The following RALGAPA2 variants were observed in gnomAD, a reference collection of about 807,000 sequenced individuals.
The protein encoded by RALGAPA2 is ral GTPase-activating protein subunit alpha-2.
Under a neutral mutation model 230.4 loss-of-function variants are expected in RALGAPA2, and 139 were observed. That is an observed-to-expected ratio of 0.60 (90% CI 0.53 to 0.69). The LOEUF is 0.69. Ranked by LOEUF, RALGAPA2 falls within the 30% of genes least tolerant of loss-of-function variation. The pLI is 0.00. For missense variants in RALGAPA2, 2,163 were observed against 2,276.0 expected (o/e 0.95, Z 1.01); for synonymous variants, 847 against 837.8 (o/e 1.01, Z -0.19).
chr20:20,495,079 G>A, intron 36 of RALGAPA2, 38 bp downstream of exon 36: 1 of 1,507,668 alleles, frequency 6.6e-7, no homozygotes, highest in African/African-American at 1.4e-5. Context: ...CATGGCAAAT[G>A]CTTTATGAGT....
At chr20:20,498,295 A>C (rs1252143966) in intron 35 of RALGAPA2, among the ~76,000 whole-genome samples, 1 of 152,206 alleles carries the variant, frequency 6.6e-6, no homozygotes, top group Non-Finnish European at 1.5e-5. Flanking sequence ...CTTCAACTGC[A>C]CAACAGGCTC....
At chr20:20,452,830 A>T (rs1005357566) in intron 37 of RALGAPA2, among the ~76,000 whole-genome samples, 5 of 152,254 alleles carry the variant, frequency 3.3e-5, no homozygotes, top group African/African-American at 1.2e-4. Flanking sequence ...AACATGATTT[A>T]AAATGTTGCA....
intron 38 of RALGAPA2, among the ~76,000 whole-genome samples, chr20:20,402,269 G>A (rs751772953): frequency 7.2e-5 from 11 of 152,220 alleles, no homozygotes; most frequent in African/African-American, 1.9e-4. Flanking sequence ...ATCTCTACAT[G>A]TACATAAAGA....
At chr20:20,407,375 G>C (rs1000816907) in intron 38 of RALGAPA2, among the ~76,000 whole-genome samples, 1 of 152,204 alleles carries the variant, frequency 6.6e-6, no homozygotes, top group African/African-American at 2.4e-5. Context: ...TGGTGGTTTG[G>C]GTTAGGATTT....
At chr20:20,651,249 T>A (rs749178809) in intron 4 of RALGAPA2, among the ~76,000 whole-genome samples, 7 of 152,232 alleles carry the variant, frequency 4.6e-5, no homozygotes, top group Non-Finnish European at 4.4e-5. Flanking sequence ...GTAGAAGCGA[T>A]GTGGACCTGT....
At chr20:20,520,580 T>C (rs2145438975) in intron 31 of RALGAPA2, among the ~76,000 whole-genome samples, 1 of 152,300 alleles carries the variant, frequency 6.6e-6, no homozygotes, top group Middle Eastern at 3.4e-3. Context: ...GCCCTCATGG[T>C]GCTACCAGTC....
At chr20:20,626,935 G>A (rs553060806) in intron 10 of RALGAPA2, among the ~76,000 whole-genome samples, 1 of 152,176 alleles carries the variant, frequency 6.6e-6, no homozygotes, top group Non-Finnish European at 1.5e-5. Context: ...TTTAAAAAGT[G>A]TGCTGACCCC....
At chr20:20,683,201 C>G (rs2068583204) in intron 1 of RALGAPA2, among the ~76,000 whole-genome samples, 1 of 152,210 alleles carries the variant, frequency 6.6e-6, no homozygotes, top group South Asian at 2.1e-4. Flanking sequence ...TGCTTCTGCT[C>G]TCCACGGCCC....
At chr20:20,683,328 G>A (rs567506818) in intron 1 of RALGAPA2, among the ~76,000 whole-genome samples, 7 of 152,190 alleles carry the variant, frequency 4.6e-5, no homozygotes, top group African/African-American at 1.4e-4. Context: ...ATATTTAATA[G>A]AGTCAGTCAA....
Position 20,512,998 on chromosome 20 carries a change from A to C in RALGAPA2, c.4371T>G (p.Ser1457=). ...TATCCCTCACAATTACTCTCACATC[A>C]GAGAGAGAGCCCACTGGTGATCCCC... is the stretch of plus-strand genomic sequence containing the variant. The part of the protein sequence containing the change: ...PVGGSPVGSL[S]DVRVIVRDIS... Residue 1457 remains serine, a synonymous_variant, in exon 32 of 40, where the codon TCT becomes TCG. Coordinates refer to ENST00000202677, the MANE Select transcript of RALGAPA2 (RefSeq NM_020343.4). 1 of 1,613,610 alleles carries C rather than the reference A, an allele frequency of 6.2e-7. No individual in the cohort carries two copies. The highest frequency in any genetic ancestry group is 8.5e-7 in the Non-Finnish European group (1 of 1,179,666).
At chr20:20,534,651 A>C (rs1341483060) in intron 26 of RALGAPA2, among the ~76,000 whole-genome samples, 1 of 152,108 alleles carries the variant, frequency 6.6e-6, no homozygotes, top group Non-Finnish European at 1.5e-5. Context: ...AAAATATTAG[A>C]CCTAGGTAGT....
chr20:20,683,988 C>T (rs929401647), intron 1 of RALGAPA2, among the ~76,000 whole-genome samples: 3 of 152,152 alleles, frequency 2.0e-5, no homozygotes, highest in Non-Finnish European at 4.4e-5. Flanking sequence ...ATGCAGAGTG[C>T]GCCACCTGTA....
chr20:20,504,591 C>T (rs574613017), intron 34 of RALGAPA2, among the ~76,000 whole-genome samples: 6 of 152,026 alleles, frequency 3.9e-5, no homozygotes, highest in African/African-American at 9.6e-5. Flanking sequence ...CTGGGTGTGG[C>T]GGCGCGTGCC....
chr20:20,684,066 C>T (rs1301948593), intron 1 of RALGAPA2, among the ~76,000 whole-genome samples: 1 of 152,150 alleles, frequency 6.6e-6, no homozygotes, highest in African/African-American at 2.4e-5. Context: ...TCCCTGGTTG[C>T]GAACCTCAGC....
chr20:20,642,100 CCG>C (rs1568691256), intron 5 of RALGAPA2, among the ~76,000 whole-genome samples: 46 of 95,454 alleles, frequency 4.8e-4, no homozygotes, highest in African/African-American at 1.5e-3. Flanking sequence ...AGCCATCAGA[CCG>C]AGAGGGGAGG....
At chr20:20,584,598 G>A (rs1330646467) in intron 19 of RALGAPA2, among the ~76,000 whole-genome samples, 1 of 152,076 alleles carries the variant, frequency 6.6e-6, no homozygotes, top group Non-Finnish European at 1.5e-5. Context: ...TGGGCAACAT[G>A]GCAAAACCTC....
At chr20:20,403,401 C>T (rs2059887518) in intron 38 of RALGAPA2, among the ~76,000 whole-genome samples, 1 of 152,152 alleles carries the variant, frequency 6.6e-6, no homozygotes, top group Non-Finnish European at 1.5e-5. Flanking sequence ...CCCTCTGTGT[C>T]CCCGGGTCTT....
intron 30 of RALGAPA2, among the ~76,000 whole-genome samples, chr20:20,523,919 C>T (rs1391037838): frequency 6.6e-6 from 1 of 152,128 alleles, no homozygotes; most frequent in African/African-American, 2.4e-5. Context: ...TAACTAACCA[C>T]TGCTTCTTTA....
At chr20:20,668,675 G>A (rs1175477371) in intron 3 of RALGAPA2, among the ~76,000 whole-genome samples, 2 of 152,180 alleles carry the variant, frequency 1.3e-5, no homozygotes, top group East Asian at 3.8e-4. Context: ...GAGTCCAAAG[G>A]AAAGAATGAG....
Sources: allele counts gnomAD v4.1 joint callset (sites outside exome capture counted in the v4.1 genomes callset), GRCh38; gene constraint gnomAD v4.1.1; transcripts MANE v1.5; gene names NCBI Gene and HGNC (gene_info 2026-07-23, HGNC 2026-07-21).